The following FARP1 variants were observed in gnomAD, a reference collection of about 807,000 sequenced individuals.
The protein encoded by FARP1 is FERM, ARH/RhoGEF and pleckstrin domain protein 1.
Under a neutral mutation model 128.8 loss-of-function variants are expected in FARP1, and 52 were observed. The observed-to-expected ratio is 0.40, with a 90% confidence interval of 0.32 to 0.51. The LOEUF (loss-of-function observed/expected upper bound fraction) is 0.51, where lower values mean the gene tolerates loss of function less well. Ranked by LOEUF, FARP1 falls within the 20% of genes least tolerant of loss-of-function variation. The pLI is 0.45. For missense variants in FARP1, 1,333 were observed against 1,367.9 expected, an observed-to-expected ratio of 0.97 and a Z score of 0.40; for synonymous variants, 580 against 551.8, an observed-to-expected ratio of 1.05 and a Z score of -0.72.
At chr13:98,228,013 C>T (rs146052726) in intron 2 of FARP1, among the ~76,000 whole-genome samples, 12 of 152,318 alleles carry the variant, frequency 7.9e-5, no homozygotes, top group African/African-American at 2.6e-4. Context: ...ATTGGGAGAT[C>T]TTTTTCACAA....
rs191667771 is a variant in FARP1 at position 98,191,679 on chromosome 13, A to C, written c.-23-21541A>C. 2.0e-3 allele frequency among the ~76,000 whole-genome samples: 308 copies of C among 152,324 alleles called. 1 individual carries two copies. The highest frequency in any genetic ancestry group is 6.9e-3 in the African/African-American group (288 of 41,582). Reference sequence around the variant, plus strand: ...TAAATTTGGCCAGGTACAGTGGCTCATGCCTGTAATCCCAGCACTTTGGGA... The same window carrying C: ...TAAATTTGGCCAGGTACAGTGGCTCCTGCCTGTAATCCCAGCACTTTGGGA... On this transcript the variant is annotated intron_variant, in intron 1 of 26. Coordinates refer to ENST00000319562, the MANE Select transcript of FARP1 (RefSeq NM_005766.4).
intron 1 of FARP1, among the ~76,000 whole-genome samples, chr13:98,145,872 A>AAG (rs1875507400): frequency 7.7e-6 from 1 of 130,438 alleles, no homozygotes; most frequent in Non-Finnish European, 1.7e-5. Context: ...AAAAAAAAAA[A>AAG]AAAAAAAGAG....
intron 1 of FARP1, among the ~76,000 whole-genome samples, chr13:98,195,792 C>T (rs970015566): frequency 4.6e-5 from 7 of 152,070 alleles, no homozygotes; most frequent in Non-Finnish European, 8.8e-5. Flanking sequence ...TTTGGGAAGC[C>T]AAGATGGAAG....
intron 2 of FARP1, among the ~76,000 whole-genome samples, chr13:98,266,279 G>A (rs758260546): frequency 6.6e-6 from 1 of 152,112 alleles, no homozygotes; most frequent in Non-Finnish European, 1.5e-5. Context: ...GAAAAGCCGC[G>A]AGACAGAGGG....
intron 2 of FARP1, among the ~76,000 whole-genome samples, chr13:98,262,683 GT>G (rs1369800510): frequency 6.6e-6 from 1 of 152,150 alleles, no homozygotes; most frequent in African/African-American, 2.4e-5. Flanking sequence ...TTAAAGTGAG[GT>G]TTTGATGACA....
chr13:98,253,467 T>G (rs1166851056), intron 2 of FARP1, among the ~76,000 whole-genome samples: 2 of 152,148 alleles, frequency 1.3e-5, no homozygotes, highest in Non-Finnish European at 2.9e-5. Flanking sequence ...GACTTTGATG[T>G]GAGACAAAAA....
intron 1 of FARP1, among the ~76,000 whole-genome samples, chr13:98,192,863 G>T (rs1440448602): frequency 6.6e-6 from 1 of 152,102 alleles, no homozygotes; most frequent in Admixed American, 6.6e-5. Context: ...ATTTTGAGTT[G>T]GTATTTTATC....
At chr13:98,415,857 C>T (rs916453366) in intron 16 of FARP1, among the ~76,000 whole-genome samples, 4 of 152,228 alleles carry the variant, frequency 2.6e-5, no homozygotes, top group Non-Finnish European at 2.9e-5. Flanking sequence ...GGGTAAGATC[C>T]GAATTCGAGG....
In FARP1 at chr13:98,368,143, G is replaced by T; in HGVS notation, c.346G>T (p.Val116Leu). ...GCCAAAGCACGTTGTTGTTAAGTTT[G>T]TGGTGAAATTCTTTCCGCCTGACCA... ...RRPKHVVVKF[V>L]VKFFPPDHTQ... Residue 116 changes from valine to leucine, a missense_variant, in exon 5 of 27, where the codon GTG becomes TTG. This residue lies in a region of FARP1 where 324 missense variants were observed against 398.1 expected (regional missense o/e 0.81). Coordinates refer to ENST00000319562, the MANE Select transcript of FARP1 (RefSeq NM_005766.4). 1 of 1,613,886 alleles carries T rather than the reference G, an allele frequency of 6.2e-7. No homozygotes were observed. Among genetic ancestry groups the T allele is most frequent in the Non-Finnish European group, 8.5e-7 (1 of 1,179,862 alleles).
intron 3 of FARP1, among the ~76,000 whole-genome samples, chr13:98,350,932 A>C (rs1394348345): frequency 1.3e-5 from 2 of 150,920 alleles, no homozygotes; most frequent in Non-Finnish European, 2.9e-5. Flanking sequence ...AGCCAACCAC[A>C]CCCCAGAGCC....
intron 1 of FARP1, among the ~76,000 whole-genome samples, chr13:98,174,572 G>A (rs1241463394): frequency 3.3e-5 from 5 of 152,200 alleles, no homozygotes; most frequent in Non-Finnish European, 7.3e-5. Flanking sequence ...GGCCCAGTAA[G>A]TCATTGTACA....
intron 2 of FARP1, among the ~76,000 whole-genome samples, chr13:98,312,596 C>A (rs369683934): frequency 6.6e-6 from 1 of 152,086 alleles, no homozygotes; most frequent in South Asian, 2.1e-4. Context: ...CCCCCCCCAC[C>A]GGAAAAGAGG....
chr13:98,305,684 C>T (rs1333690210), intron 2 of FARP1, among the ~76,000 whole-genome samples: 2 of 152,158 alleles, frequency 1.3e-5, no homozygotes, highest in African/African-American at 4.8e-5. Flanking sequence ...ACGCCTTCAT[C>T]ATTTGCATCA....
intron 2 of FARP1, among the ~76,000 whole-genome samples, chr13:98,309,188 A>T (rs1221660490): frequency 1.1e-5 from 1 of 91,356 alleles, no homozygotes; most frequent in Non-Finnish European, 1.9e-5. Context: ...TTTTTTGGAG[A>T]CGGAGTCTCG....
intron 2 of FARP1, among the ~76,000 whole-genome samples, chr13:98,276,820 G>T (rs1221364575): frequency 6.6e-6 from 1 of 152,182 alleles, no homozygotes; most frequent in Non-Finnish European, 1.5e-5. Flanking sequence ...GCAATGCGAG[G>T]AGTCCTCCAC....
rs1399068876 is a variant in FARP1 at position 98,201,405 on chromosome 13, C to T, written c.-23-11815C>T. ...TACAGTGAGCAGTGAGCTGAGATCG[C>T]GCCACTGCACTGCAGCCTGGGTGAC... On this transcript the variant is annotated intron_variant, in intron 1 of 26. Coordinates refer to ENST00000319562, the MANE Select transcript of FARP1 (RefSeq NM_005766.4). Among the ~76,000 whole-genome samples, 10 of 152,264 alleles carry T rather than the reference C, an allele frequency of 6.6e-5. 1 individual carries two copies. The Middle Eastern group carries it at 0.01, about 155-fold the overall frequency.
chr13:98,299,196 G>C (rs1187937630), intron 2 of FARP1, among the ~76,000 whole-genome samples: 3 of 152,194 alleles, frequency 2.0e-5, no homozygotes, highest in Non-Finnish European at 4.4e-5. Flanking sequence ...AAAAGCCACA[G>C]TTCTACCATG....
rs555721401 is a variant in FARP1 at position 98,323,877 on chromosome 13, A to T, written c.172-19885A>T. On this transcript the variant is annotated intron_variant, in intron 2 of 26. Coordinates refer to ENST00000319562, the MANE Select transcript of FARP1 (RefSeq NM_005766.4). Reference sequence around the variant, plus strand: ...AATTTTGTCTTCCTGTTGAGTGTCAACAATTTTTTTAAAGCCTATATGAGG... The same window carrying T: ...AATTTTGTCTTCCTGTTGAGTGTCATCAATTTTTTTAAAGCCTATATGAGG... Among the ~76,000 whole-genome samples the T allele has an allele frequency of 3.8e-4, 58 of 152,318 alleles. No individual in the cohort carries two copies. The South Asian group carries it at 5.6e-3, about 15-fold the overall frequency.
Position 98,449,615 on chromosome 13 carries a change from G to C in FARP1, c.*1298G>C, listed in dbSNP as rs4584. 0.27 allele frequency: 41,404 copies of C among 152,470 alleles called. 5,746 individuals are homozygous for C. The highest frequency in any genetic ancestry group is 0.3 in the Non-Finnish European group (20,314 of 68,002). 9.4% of individuals were successfully genotyped at this position (152,470 alleles called of 1,614,324 possible). On this transcript the variant is annotated 3_prime_UTR_variant, in exon 27 of 27. Transcript: ENST00000319562. ...TCTCTGTGGAGCTCTGACTGGTGTA[G>C]CTGGAAACAAACAGCAACTTGCAAA...
Sources: gnomAD v4.1 joint callset for allele counts (sites outside exome capture counted in the v4.1 genomes callset) on GRCh38, gnomAD v4.1.1 for gene constraint, gnomAD v4.1.1 regional missense constraint, MANE v1.5 for transcripts, NCBI Gene and HGNC (gene_info 2026-07-23, HGNC 2026-07-21) for gene names.